Variants in INTS2 observed in about 807,000 individuals in gnomAD.
INTS2 encodes integrator complex subunit 2.
Under a neutral mutation model 139.6 loss-of-function variants are expected in INTS2, and 57 were observed. The observed-to-expected ratio is 0.41, with a 90% CI of 0.33 to 0.51. The LOEUF (loss-of-function observed/expected upper bound fraction) is 0.51, where lower values mean the gene tolerates loss of function less well. Among genes scored for constraint, INTS2 ranks in the 20% least tolerant of loss-of-function variants. The pLI is 0.28. For missense variants in INTS2, 1,196 were observed against 1,436.7 expected, an observed-to-expected ratio of 0.83 and a Z score of 2.71; for synonymous variants, 473 against 493.4, an observed-to-expected ratio of 0.96 and a Z score of 0.55.
chr17:61,878,946 A>AAAC (rs2079151673), intron 17 of INTS2, among the ~76,000 whole-genome samples: 1 of 150,226 alleles, frequency 6.7e-6, no homozygotes, highest in Non-Finnish European at 1.5e-5. Context: ...AAAAAAAAAA[A>AAAC]AAAAAAAACA....
chr17:61,894,978 G>A (rs2079332528), intron 12 of INTS2, among the ~76,000 whole-genome samples: 3 of 152,092 alleles, frequency 2.0e-5, no homozygotes, highest in African/African-American at 7.2e-5. Flanking sequence ...CAGCCTAAAG[G>A]TTTAAATAGG....
rs567408576 is a variant in INTS2, at chr17:61,893,513, G to A, written c.1698+252C>T. ...GAGTTCGACACCAGCCAGCCAACAC[G>A]GTGAAACCCTGTCTCTACTAAAAAT... On this transcript the variant is annotated intron_variant, in intron 13 of 24. Transcript: ENST00000251334. This position sits in a 1 kb window ranked among gnomAD's most constrained non-coding sequence, Gnocchi z 5.4. 6.6e-5 allele frequency among the ~76,000 whole-genome samples: 10 copies of A among 152,108 alleles called. No individual in the cohort carries two copies. The highest frequency in any genetic ancestry group is 2.0e-4 in the Admixed American group (3 of 15,264).
At position 61,867,444 on chromosome 17, in the gene INTS2, A is replaced by G; in HGVS notation, c.*113T>C. 1.7e-6 allele frequency: 1 copy of G among 590,108 alleles called. No individual in the cohort carries two copies. Among genetic ancestry groups the G allele is most frequent in the East Asian group, 2.8e-5 (1 of 35,206 alleles). The allele number at this position is 590,108 out of a possible 1,614,324, so 36.6% of individuals were successfully genotyped here. A position where few individuals can be genotyped will look rare whatever the true frequency, so the allele number is the denominator to read the frequency against. Reference sequence around the variant, plus strand: ...TACTCATGTTGAATTGAATTGTTTTAGTGATTCCAAGACAATACTTTACTG... The same window carrying G: ...TACTCATGTTGAATTGAATTGTTTTGGTGATTCCAAGACAATACTTTACTG... On this transcript the variant is annotated 3_prime_UTR_variant, in exon 25 of 25. Coordinates refer to ENST00000251334, the MANE Select transcript of INTS2 (RefSeq NM_001351695.2). The surrounding 1 kb of genome is among the most constrained non-coding windows in gnomAD (Gnocchi z 5.6).
intron 5 of INTS2, 48 bp downstream of exon 5, chr17:61,919,352 C>A (rs1321196712): frequency 3.4e-6 from 3 of 888,936 alleles, no homozygotes; most frequent in Non-Finnish European, 5.5e-6. Context: ...AGGTCCTGTA[C>A]ATGTCCAAGC....
At chr17:61,886,105 C>T (rs1272652665) in intron 15 of INTS2, among the ~76,000 whole-genome samples, 1 of 151,964 alleles carries the variant, frequency 6.6e-6, no homozygotes, top group Non-Finnish European at 1.5e-5. Flanking sequence ...GGCTGGTATG[C>T]AGTGGTTCAA....
At chr17:61,880,789 G>T (rs559354936) in intron 17 of INTS2, among the ~76,000 whole-genome samples, 1 of 127,946 alleles carries the variant, frequency 7.8e-6, no homozygotes, top group Non-Finnish European at 1.6e-5. Flanking sequence ...GGGAAAGGGG[G>T]AAAGGAGTAA....
At chr17:61,926,692 A>G (rs2079718638) in intron 1 of INTS2, 30 bp from the exon 2 acceptor site, 1 of 1,548,852 alleles carries the variant, frequency 6.5e-7, no homozygotes. Context: ...TGAAAGTAGG[A>G]GTTTAACTTT....
At position 61,893,878 on chromosome 17, in the gene INTS2, G is replaced by T. The variant is rs1194890968; in HGVS notation, c.1585C>A (p.Arg529=). Reference sequence around the variant, plus strand: ...CTCAGGTTGCTGGTGACAGGGACCCGAACTGCATGAGCTGTGACAACCTAA... The same window carrying T: ...CTCAGGTTGCTGGTGACAGGGACCCTAACTGCATGAGCTGTGACAACCTAA... ...TEQVVTAHAV[R]VPVTSNLSAN... is the part of the protein sequence containing the mutation. Residue 529 remains arginine (R), a synonymous_variant, in exon 13 of 25, where the codon CGG becomes AGG. Transcript: ENST00000251334. The surrounding 1 kb of genome is among the most constrained non-coding windows in gnomAD (Gnocchi z 5.4). 6.4e-7 allele frequency: 1 copy of T among 1,573,816 alleles called. No homozygotes were observed. Among genetic ancestry groups the T allele is most frequent in the South Asian group, 1.2e-5 (1 of 84,900 alleles).
chr17:61,897,642 CAACT>C lies in INTS2; in HGVS notation c.1379+22_1379+25del, dbSNP rs1433733246. ...AAAGAGAGAAGAAGAAAAGCTTTCTCAACTAACTAAATCAAATTATCTTACCTCT... is the reference window on the plus strand; with the variant it reads ...AAAGAGAGAAGAAGAAAAGCTTTCTCAACTAAATCAAATTATCTTACCTCT... On this transcript the variant is annotated intron_variant, in intron 10 of 24. Transcript: ENST00000251334. The surrounding 1 kb of genome is among the most constrained non-coding windows in gnomAD (Gnocchi z 4.4). 2.5e-6 allele frequency: 4 copies of C among 1,588,122 alleles called. No individual in the cohort carries two copies. The highest frequency in any genetic ancestry group is 3.6e-5 in the Admixed American group (2 of 56,338).
Position 61,868,889 on chromosome 17 carries a change from G to T in INTS2, c.3244+145C>A. The T allele has an allele frequency of 1.9e-6, 1 of 534,716 alleles. No homozygotes were observed. Among genetic ancestry groups the T allele is most frequent in the Non-Finnish European group, 3.3e-6 (1 of 301,518 alleles). The allele number at this position is 534,716 out of a possible 1,614,324, so 33.1% of individuals were successfully genotyped here. ...TTTCCAAAAGAAGAATTCAAAAGACGGCATAAGTTAAACTAGTATTTAACA... is the reference window on the plus strand; with the variant it reads ...TTTCCAAAAGAAGAATTCAAAAGACTGCATAAGTTAAACTAGTATTTAACA... On this transcript the variant is annotated intron_variant, in intron 23 of 24. Coordinates refer to ENST00000251334, the MANE Select transcript of INTS2 (RefSeq NM_001351695.2). The surrounding 1 kb of genome is among the most constrained non-coding windows in gnomAD (Gnocchi z 4.7).
At chr17:61,901,365 GA>G (rs1373703060) in intron 9 of INTS2, among the ~76,000 whole-genome samples, 1 of 150,896 alleles carries the variant, frequency 6.6e-6, no homozygotes, top group Non-Finnish European at 1.5e-5. Context: ...AAAAGGCAGG[GA>G]AAAAAAGCAG....
At position 61,870,252 on chromosome 17, in the gene INTS2, C is replaced by A. The variant is rs1187729214; in HGVS notation, c.2779-264G>T. On this transcript the variant is annotated intron_variant, in intron 20 of 24. Coordinates refer to ENST00000251334, the MANE Select transcript of INTS2 (RefSeq NM_001351695.2). The surrounding 1 kb of genome is among the most constrained non-coding windows in gnomAD (Gnocchi z 4.4). ...TAACATACATAAACAAACATCATTA[C>A]ATAATGATATCACATATCTCTAAAA... 1.3e-5 allele frequency among the ~76,000 whole-genome samples: 2 copies of A among 152,156 alleles called. No individual in the cohort carries two copies. The highest frequency in any genetic ancestry group is 2.9e-5 in the Non-Finnish European group (2 of 68,034).
At chr17:61,906,292 G>A (rs1381774126) in intron 8 of INTS2, among the ~76,000 whole-genome samples, 4 of 152,108 alleles carry the variant, frequency 2.6e-5, no homozygotes, top group African/African-American at 4.8e-5. Context: ...TCCAAAATCC[G>A]AAAAGTTCTA....
Position 61,926,470 on chromosome 17 carries a change from C to A in INTS2, c.175G>T (p.Asp59Tyr). The A allele has an allele frequency of 6.2e-7, 1 of 1,614,036 alleles. No individual in the cohort carries two copies. Among genetic ancestry groups the A allele is most frequent in the Non-Finnish European group, 8.5e-7 (1 of 1,179,892 alleles). ...PADQSQSWAQ[D>Y]KKLILRLLSG... is the part of the protein sequence containing the mutation. The stretch of plus-strand genomic sequence containing the variant: ...AGAAGGCGAAGGATGAGTTTCTTAT[C>A]CTGAGCCCAGCTTTGGCTCTGGTCA... The change falls in exon 2 of 25, where the codon GAT (aspartate) becomes TAT (tyrosine). Residue 59 changes from aspartate (D) to tyrosine (Y), a missense_variant. This residue lies in a region of INTS2 where 31 missense variants were observed against 64.8 expected (regional missense o/e 0.48). Coordinates refer to ENST00000251334, the MANE Select transcript of INTS2 (RefSeq NM_001351695.2).
chr17:61,919,270 A>G, intron 5 of INTS2, 130 bp downstream of exon 5: 1 of 579,378 alleles, frequency 1.7e-6, no homozygotes, highest in South Asian at 2.0e-5. Context: ...TTCTTTATAC[A>G]TACTAACAAA....
Position 61,882,110 on chromosome 17 carries a change from C to T in INTS2, c.2090-939G>A, listed in dbSNP as rs1224401337. The stretch of plus-strand genomic sequence containing the variant: ...AAATTAAAGTTGCCCACTTTGAATA[C>T]CTGAAAGGTCTCAGGTACTTTATGT... On this transcript the variant is annotated intron_variant, in intron 16 of 24. Transcript: ENST00000251334. This position sits in a 1 kb window ranked among gnomAD's most constrained non-coding sequence, Gnocchi z 4.7. Among the ~76,000 whole-genome samples the T allele has an allele frequency of 1.3e-5, 2 of 152,154 alleles. No individual in the cohort carries two copies. The highest frequency in any genetic ancestry group is 2.1e-4 in the South Asian group (1 of 4,824).
chr17:61,926,343 T>A lies in INTS2; in HGVS notation c.293+9A>T. 6.4e-7 allele frequency: 1 copy of A among 1,573,852 alleles called. No individual in the cohort carries two copies. Among genetic ancestry groups the A allele is most frequent in the Non-Finnish European group, 8.7e-7 (1 of 1,155,902 alleles). Reference sequence around the variant, plus strand: ...ATCCAAATCCACATATAATATAACATAACATTACCTAAGCTGCTGTTCTTT... The same window carrying A: ...ATCCAAATCCACATATAATATAACAAAACATTACCTAAGCTGCTGTTCTTT... On this transcript the variant is annotated intron_variant, in intron 2 of 24. Coordinates refer to ENST00000251334, the MANE Select transcript of INTS2 (RefSeq NM_001351695.2).
chr17:61,917,878 G>A (rs1318480170), intron 5 of INTS2, among the ~76,000 whole-genome samples: 1 of 152,074 alleles, frequency 6.6e-6, no homozygotes, highest in Non-Finnish European at 1.5e-5. Context: ...AACTATAAAT[G>A]TGAAAACTAA....
At chr17:61,898,288 G>A (rs947775787) in intron 9 of INTS2, among the ~76,000 whole-genome samples, 1 of 151,954 alleles carries the variant, frequency 6.6e-6, no homozygotes, top group African/African-American at 2.4e-5. Flanking sequence ...TATGAAAAAT[G>A]GCTATAAAAA....
Sources: gnomAD v4.1 joint callset for allele counts (sites outside exome capture counted in the v4.1 genomes callset) on GRCh38, gnomAD v4.1.1 for gene constraint, gnomAD v4.1.1 regional missense constraint, Gnocchi (gnomAD v3.1) non-coding constraint, MANE v1.5 for transcripts, NCBI Gene and HGNC (gene_info 2026-07-23, HGNC 2026-07-21) for gene names.